Variants in UGT1A3 observed in about 807,000 individuals in gnomAD.
UGT1A3 encodes the protein UDP glucuronosyltransferase family 1 member A3.
UGT1A3 carries 31 observed loss-of-function variants against 41.0 expected under a neutral mutation model. That is an observed-to-expected ratio of 0.76 (90% CI 0.57 to 1.02). UGT1A3 has a LOEUF of 1.02. Ranked by LOEUF, UGT1A3 falls within the 50% of genes least tolerant of loss-of-function variation. UGT1A3 has a pLI of 0.00. For missense variants in UGT1A3, 737 were observed against 671.0 expected (o/e 1.10, Z -1.09); for synonymous variants, 262 against 257.6 (o/e 1.02, Z -0.17).
In UGT1A3 at chr2:233,760,900, AC is replaced by A. The variant is rs1697605792; in HGVS notation, c.868-6132del. 3.1e-6 allele frequency: 5 copies of A among 1,613,652 alleles called. No individual in the cohort carries two copies. The highest frequency in any genetic ancestry group is 3.3e-5 in the Admixed American group (2 of 59,970). On this transcript the variant is annotated intron_variant, in intron 1 of 4. Coordinates refer to ENST00000482026, the MANE Select transcript of UGT1A3 (RefSeq NM_019093.4). The stretch of plus-strand genomic sequence containing the variant: ...TCTCTCCTCTCATTCAGATCACATG[AC>A]CTTCCTGCAGCGGGTGAAGAACATG...
chr2:233,734,036 A>G (rs1235015147), intron 1 of UGT1A3, among the ~76,000 whole-genome samples: 1 of 152,130 alleles, frequency 6.6e-6, no homozygotes. Context: ...CAGCACACCA[A>G]CATGGCACAT....
intron 1 of UGT1A3, among the ~76,000 whole-genome samples, chr2:233,751,217 A>G (rs1417978582): frequency 6.6e-6 from 1 of 151,982 alleles, no homozygotes; most frequent in East Asian, 1.9e-4. Context: ...TTTAAGATTT[A>G]ATGACTGCCC....
chr2:233,734,820 G>A (rs1460443143), intron 1 of UGT1A3, among the ~76,000 whole-genome samples: 12 of 152,202 alleles, frequency 7.9e-5, no homozygotes, highest in Non-Finnish European at 1.3e-4. Context: ...GTAGTTGTGC[G>A]ATTTTGAGTG....
chr2:233,729,156 G>A lies in UGT1A3; in HGVS notation c.30G>A (p.Pro10=), dbSNP rs397978902. The A allele has an allele frequency of 3.8e-5, 62 of 1,613,462 alleles. No homozygotes were observed. Among genetic ancestry groups the A allele is most frequent in the East Asian group, 8.9e-5 (4 of 44,888 alleles). The part of the protein sequence containing the change: MATGLQVPL[P]WLATGLLLLL... Reference sequence around the variant, plus strand: ...CCACAGGACTCCAGGTTCCCCTGCCGTGGCTGGCCACAGGACTGCTGCTTC... The same window carrying A: ...CCACAGGACTCCAGGTTCCCCTGCCATGGCTGGCCACAGGACTGCTGCTTC... The change falls in exon 1 of 5, where the codon CCG becomes CCA. Residue 10 remains proline (P), a synonymous_variant. Transcript: ENST00000482026.
chr2:233,771,639 T>G (rs1180975336), intron 4 of UGT1A3: 1 of 152,344 alleles, frequency 6.6e-6, no homozygotes, highest in African/African-American at 2.4e-5. Flanking sequence ...TTTATTTTAC[T>G]GTATGAAAAT....
intron 1 of UGT1A3, among the ~76,000 whole-genome samples, chr2:233,734,927 C>T (rs1223344443): frequency 1.3e-5 from 2 of 152,170 alleles, no homozygotes; most frequent in Non-Finnish European, 2.9e-5. Context: ...GAGTGCTTTA[C>T]TTACAATCAT....
At chr2:233,755,170 T>A (rs1240762958) in intron 1 of UGT1A3, 1 of 1,262,070 alleles carries the variant, frequency 7.9e-7, no homozygotes. Context: ...TCGGGGTTTT[T>A]GTCGGGGTGC....
Position 233,760,573 on chromosome 2 carries a change from G to A in UGT1A3, c.868-6461G>A, listed in dbSNP as rs1208621089. The A allele has an allele frequency of 1.1e-5, 18 of 1,614,052 alleles. No individual in the cohort carries two copies. The highest frequency in any genetic ancestry group is 2.7e-5 in the African/African-American group (2 of 74,912). ...TGTGAAAGAGTCTTTTGTTAGTCTC[G>A]GGCATAATGTTTTTGAGAATGATTC... On this transcript the variant is annotated intron_variant, in intron 1 of 4. Coordinates refer to ENST00000482026, the MANE Select transcript of UGT1A3 (RefSeq NM_019093.4).
chr2:233,767,299 C>A (rs1479626764), intron 2 of UGT1A3, 134 bp downstream of exon 2: 17 of 1,540,620 alleles, frequency 1.1e-5, no homozygotes, highest in Non-Finnish European at 1.3e-5. Flanking sequence ...AACTATTAAT[C>A]CAAAGGTTTT....
chr2:233,745,758 T>G (rs1376334947), intron 1 of UGT1A3, among the ~76,000 whole-genome samples: 23 of 128,998 alleles, frequency 1.8e-4, no homozygotes, highest in East Asian at 4.6e-4. Context: ...GCAGAAGGGG[T>G]GGAGAGGAGG....
chr2:233,753,448 GCC>G (rs1695207775), intron 1 of UGT1A3: 1 of 152,160 alleles, frequency 6.6e-6, no homozygotes, highest in South Asian at 2.1e-4. Context: ...ATGTGTTCAG[GCC>G]ATGATTTTTC....
Position 233,769,730 on chromosome 2 carries a change from C to A in UGT1A3, c.1307+1291C>A. On this transcript the variant is annotated intron_variant, in intron 4 of 4. Transcript: ENST00000482026. The surrounding 1 kb of genome is among the most constrained non-coding windows in gnomAD (Gnocchi z 4.4). The stretch of plus-strand genomic sequence containing the variant: ...GTTGGCTAGGCACCATGGCACACGC[C>A]TGTAGTCCCAGCCACTCTGGAGGCT... The A allele has an allele frequency of 6.8e-7, 1 of 1,468,358 alleles. No homozygotes were observed. The highest frequency in any genetic ancestry group is 9.0e-7 in the Non-Finnish European group (1 of 1,108,860). 91.0% of individuals were successfully genotyped at this position (1,468,358 alleles called of 1,614,324 possible).
chr2:233,762,669 A>T (rs1575790989), intron 1 of UGT1A3, among the ~76,000 whole-genome samples: 1 of 150,304 alleles, frequency 6.7e-6, no homozygotes, highest in Non-Finnish European at 1.5e-5. Flanking sequence ...TTTAAAAAAC[A>T]TTTGTTCTGT....
intron 1 of UGT1A3, among the ~76,000 whole-genome samples, chr2:233,762,246 C>T (rs569266202): frequency 2.4e-4 from 36 of 152,288 alleles, no homozygotes; most frequent in African/African-American, 8.2e-4. Flanking sequence ...ACAGAATAGG[C>T]ACCCACCGAA....
At position 233,729,704 on chromosome 2, in the gene UGT1A3, A is replaced by T. The variant is rs759605345; in HGVS notation, c.578A>T (p.Tyr193Phe). The change falls in exon 1 of 5, where the codon TAT becomes TTT. Residue 193 changes from tyrosine to phenylalanine, a missense_variant. Tyr to Phe is a conservative substitution (Grantham distance 22, BLOSUM62 3). Transcript: ENST00000482026. ...ACACAGTGTCCAAACCCTTCCTCCT[A>T]TATTCCTAGATTACTAACAACCAAT... is the stretch of plus-strand genomic sequence containing the variant. Reference protein sequence around the residue: ...KGTQCPNPSSYIPRLLTTNSD... With the variant: ...KGTQCPNPSSFIPRLLTTNSD... The T allele has an allele frequency of 1.2e-6, 2 of 1,613,894 alleles. No individual in the cohort carries two copies. The highest frequency in any genetic ancestry group is 1.7e-6 in the Non-Finnish European group (2 of 1,179,860).
At chr2:233,752,001 G>A (rs960464465) in intron 1 of UGT1A3, among the ~76,000 whole-genome samples, 26 of 152,178 alleles carry the variant, frequency 1.7e-4, no homozygotes, top group Admixed American at 1.3e-3. Flanking sequence ...TGAGAAAGTT[G>A]ATGAGAAAGT....
chr2:233,753,719 T>C (rs1290190977), intron 1 of UGT1A3: 1 of 152,208 alleles, frequency 6.6e-6, no homozygotes, highest in Non-Finnish European at 1.5e-5. Flanking sequence ...TCAACCTAAT[T>C]TGATATGCCC....
chr2:233,767,912 T>A lies in UGT1A3; in HGVS notation c.1063T>A (p.Trp355Arg), dbSNP rs1559414817. The change falls in exon 3 of 5, where the codon TGG (tryptophan) becomes AGG (arginine). Residue 355 changes from tryptophan (W) to arginine (R), a missense_variant. Physicochemically the swap from Trp to Arg is moderately radical, Grantham distance 101. Coordinates refer to ENST00000482026, the MANE Select transcript of UGT1A3 (RefSeq NM_019093.4). ...TGCGAACAACACGATACTTGTTAAG[T>A]GGCTACCCCAAAACGATCTGCTTGG... is the stretch of plus-strand genomic sequence containing the variant. The part of the protein sequence containing the change: ...NLANNTILVK[W>R]LPQNDLLGHP... The A allele has an allele frequency of 2.5e-6, 4 of 1,614,202 alleles. No homozygotes were observed. Among genetic ancestry groups the A allele is most frequent in the Non-Finnish European group, 3.4e-6 (4 of 1,180,044 alleles).
Position 233,753,486 on chromosome 2 carries a change from C to T in UGT1A3, c.868-13548C>T, listed in dbSNP as rs1410623213. The T allele has an allele frequency of 2.0e-5, 3 of 152,196 alleles. No homozygotes were observed. The East Asian group carries it at 5.8e-4, about 29-fold the overall frequency. 9.4% of individuals were successfully genotyped at this position (152,196 alleles called of 1,614,324 possible). On this transcript the variant is annotated intron_variant, in intron 1 of 4. Coordinates refer to ENST00000482026, the MANE Select transcript of UGT1A3 (RefSeq NM_019093.4). ...TGTAAAAAATTACCAGCATGCTGCT[C>T]TTAATTTTTTTCAGCCTGTCTAGTT... is the stretch of plus-strand genomic sequence containing the variant.
Sources: gnomAD v4.1 joint callset for allele counts (sites outside exome capture counted in the v4.1 genomes callset) on GRCh38, gnomAD v4.1.1 for gene constraint, Gnocchi (gnomAD v3.1) non-coding constraint, MANE v1.5 for transcripts, NCBI Gene and HGNC (gene_info 2026-07-23, HGNC 2026-07-21) for gene names.